Variants in NELL1 observed in about 807,000 individuals in gnomAD.
NELL1 encodes the protein neural EGFL like 1, also known as protein kinase C-binding protein NELL1.
Under a neutral mutation model 107.4 loss-of-function variants are expected in NELL1, and 76 were observed. The ratio of observed to expected loss-of-function variants is 0.71; its 90% CI spans 0.59 to 0.86. The LOEUF (loss-of-function observed/expected upper bound fraction) is 0.86. Among genes scored for constraint, NELL1 ranks in the 40% least tolerant of loss-of-function variants. The pLI is 0.00. For synonymous variants in NELL1, 353 were observed against 341.2 expected (o/e 1.03, Z -0.38); for missense variants, 1,024 against 1,005.5 (o/e 1.02, Z -0.25).
At chr11:21,282,322 C>T (rs767872860) in intron 14 of NELL1, among the ~76,000 whole-genome samples, 1 of 151,884 alleles carries the variant, frequency 6.6e-6, no homozygotes, top group Non-Finnish European at 1.5e-5. Context: ...GTTAAAATGA[C>T]TTATATACCA....
At chr11:21,474,229 T>C (rs1464163441) in intron 15 of NELL1, among the ~76,000 whole-genome samples, 1 of 152,034 alleles carries the variant, frequency 6.6e-6, no homozygotes, top group Non-Finnish European at 1.5e-5. Context: ...CTCAAAGTTT[T>C]TGGATTTCCC....
chr11:20,733,871 A>G (rs7116986), intron 2 of NELL1, among the ~76,000 whole-genome samples: 18,221 of 152,260 alleles, frequency 0.12, 1,187 homozygotes, highest in Non-Finnish European at 0.15. Context: ...CTTTGCCCTC[A>G]TGGACTTTGC....
chr11:21,090,072 T>G (rs566099522), intron 12 of NELL1, among the ~76,000 whole-genome samples: 1 of 152,176 alleles, frequency 6.6e-6, no homozygotes, highest in Non-Finnish European at 1.5e-5. Flanking sequence ...CTTCATCTCT[T>G]ATTGGAGATT....
At chr11:21,560,159 T>C (rs779018501) in intron 16 of NELL1, 30 bp from the exon 17 acceptor site, 4 of 1,607,208 alleles carry the variant, frequency 2.5e-6, no homozygotes, top group Non-Finnish European at 3.4e-6. Context: ...CTTGGCTAGA[T>C]TCTAAGCTTC....
At chr11:21,122,181 A>T (rs1178329931) in intron 13 of NELL1, among the ~76,000 whole-genome samples, 2 of 152,196 alleles carry the variant, frequency 1.3e-5, no homozygotes, top group African/African-American at 4.8e-5. Flanking sequence ...TTGTGAACAA[A>T]CCTATTAAGT....
chr11:20,953,083 C>G (rs779949012), intron 11 of NELL1, among the ~76,000 whole-genome samples: 1 of 152,214 alleles, frequency 6.6e-6, no homozygotes, highest in Non-Finnish European at 1.5e-5. Flanking sequence ...TCCTTCTTAA[C>G]CAGTCCATGG....
chr11:21,554,047 TGTAGCCTCTGTGCA>T (rs1475223227), intron 16 of NELL1, among the ~76,000 whole-genome samples: 1 of 151,862 alleles, frequency 6.6e-6, no homozygotes, highest in Non-Finnish European at 1.5e-5. Context: ...ACATCAATAC[TGTAGCCTCTGTGCA>T]GTAAAACTCT....
chr11:21,232,248 C>T (rs912431278), intron 14 of NELL1, among the ~76,000 whole-genome samples: 4 of 147,514 alleles, frequency 2.7e-5, no homozygotes, highest in Non-Finnish European at 6.0e-5. Flanking sequence ...GCGAATTGCT[C>T]GAACCTGGGA....
At chr11:20,730,592 A>G (rs987143921) in intron 2 of NELL1, among the ~76,000 whole-genome samples, 1 of 152,186 alleles carries the variant, frequency 6.6e-6, no homozygotes, top group Non-Finnish European at 1.5e-5. Context: ...CTACCATAGT[A>G]GAGGAAACAG....
At chr11:21,030,577 G>A (rs12574969) in intron 12 of NELL1, among the ~76,000 whole-genome samples, 7,767 of 146,242 alleles carry the variant, frequency 0.053, 524 homozygotes, top group East Asian at 0.35. Flanking sequence ...TTTCAGAGAT[G>A]TTTTATTTTC....
At chr11:21,385,771 A>G (rs1455772040) in intron 15 of NELL1, among the ~76,000 whole-genome samples, 3 of 151,840 alleles carry the variant, frequency 2.0e-5, no homozygotes, top group African/African-American at 7.3e-5. Flanking sequence ...AGCATCAATG[A>G]CTCGCTCCGA....
chr11:21,536,580 A>G (rs1012466307), intron 16 of NELL1, among the ~76,000 whole-genome samples: 7 of 152,142 alleles, frequency 4.6e-5, no homozygotes, highest in African/African-American at 1.7e-4. Flanking sequence ...CTTCACTTGT[A>G]CAATATATTT....
At chr11:21,386,027 C>G (rs1456909583) in intron 15 of NELL1, among the ~76,000 whole-genome samples, 1 of 151,818 alleles carries the variant, frequency 6.6e-6, no homozygotes, top group African/African-American at 2.4e-5. Flanking sequence ...TAGGTTCCCT[C>G]CAGTGCACTC....
intron 4 of NELL1, among the ~76,000 whole-genome samples, chr11:20,848,249 C>T (rs1848736255): frequency 6.6e-6 from 1 of 152,174 alleles, no homozygotes; most frequent in African/African-American, 2.4e-5. Context: ...AGGCTGTTCT[C>T]TGAGCCTTTT....
At chr11:21,404,007 C>G (rs1189084389) in intron 15 of NELL1, among the ~76,000 whole-genome samples, 3 of 96,400 alleles carry the variant, frequency 3.1e-5, no homozygotes, top group African/African-American at 1.2e-4. Flanking sequence ...ATTCCTGAAC[C>G]CCCCCCCCCG....
chr11:21,012,779 G>T (rs768614826), intron 12 of NELL1, among the ~76,000 whole-genome samples: 4 of 152,002 alleles, frequency 2.6e-5, no homozygotes, highest in Non-Finnish European at 4.4e-5. Flanking sequence ...CTGGGTAGGG[G>T]CCACAAGATC....
At chr11:20,705,932 C>T (rs983328603) in intron 2 of NELL1, among the ~76,000 whole-genome samples, 7 of 152,090 alleles carry the variant, frequency 4.6e-5, no homozygotes, top group Admixed American at 2.6e-4. Flanking sequence ...TCATGACTGG[C>T]CATCAGAGAA....
Position 20,973,433 on chromosome 11 carries a change from T to A in NELL1, c.1300+12873T>A, listed in dbSNP as rs188203332. Among the ~76,000 whole-genome samples, 363 of 152,252 alleles carry A rather than the reference T, an allele frequency of 2.4e-3. 2 individuals are homozygous for A. The highest frequency in any genetic ancestry group is 8.3e-3 in the South Asian group (40 of 4,820). On this transcript the variant is annotated intron_variant, in intron 12 of 19. Transcript: ENST00000357134. The stretch of plus-strand genomic sequence containing the variant: ...TCTTCGTTACTTTTTCTTAACATAT[T>A]TTTTAGGTTAAGAGCTATTCAAAGG...
At chr11:21,224,695 G>C (rs1195839383) in intron 13 of NELL1, among the ~76,000 whole-genome samples, 3 of 152,136 alleles carry the variant, frequency 2.0e-5, no homozygotes, top group Non-Finnish European at 4.4e-5. Flanking sequence ...CAAAAGAGCT[G>C]TCTTCAAGTT....
Sources: allele counts gnomAD v4.1 joint callset (sites outside exome capture counted in the v4.1 genomes callset), GRCh38; gene constraint gnomAD v4.1.1; transcripts MANE v1.5; gene names NCBI Gene and HGNC (gene_info 2026-07-23, HGNC 2026-07-21).